Variants in PCDH15 observed in about 807,000 individuals in gnomAD.
The protein encoded by PCDH15 is protocadherin related 15, also known as protocadherin-15.
Under a neutral mutation model 178.5 loss-of-function variants are expected in PCDH15, and 129 were observed. The ratio of observed to expected loss-of-function variants is 0.72; its 90% CI spans 0.63 to 0.84. PCDH15 has a LOEUF of 0.84. PCDH15 is among the 40% of genes least tolerant of loss of function. PCDH15 has a pLI of 0.00. For missense variants in PCDH15, 2,230 were observed against 2,099.9 expected, an observed-to-expected ratio of 1.06 and a Z score of -1.21; for synonymous variants, 800 against 732.0, an observed-to-expected ratio of 1.09 and a Z score of -1.50.
chr10:55,269,095 T>C (rs901203275), intron 1 of PCDH15, among the ~76,000 whole-genome samples: 13 of 152,086 alleles, frequency 8.5e-5, no homozygotes, highest in Non-Finnish European at 8.8e-5. Context: ...CTCTTCATGA[T>C]AACCACAATC....
chr10:55,130,720 T>C (rs1026866820), intron 2 of PCDH15, among the ~76,000 whole-genome samples: 2 of 150,092 alleles, frequency 1.3e-5, no homozygotes, highest in Non-Finnish European at 3.0e-5. Context: ...TGTGTGTGTG[T>C]GTGTGTATAT....
intron 2 of PCDH15, among the ~76,000 whole-genome samples, chr10:55,332,387 C>T (rs1436302510): frequency 6.6e-6 from 1 of 151,832 alleles, no homozygotes; most frequent in African/African-American, 2.4e-5. Context: ...GGAAGAGGTC[C>T]CCCATTGGCA....
chr10:54,596,911 C>A (rs1302434198), intron 2 of PCDH15, among the ~76,000 whole-genome samples: 2 of 152,058 alleles, frequency 1.3e-5, no homozygotes, highest in Non-Finnish European at 2.9e-5. Flanking sequence ...CCTATATATA[C>A]ATGCACCTAA....
intron 3 of PCDH15, among the ~76,000 whole-genome samples, chr10:54,498,236 C>A (rs1010767688): frequency 6.6e-6 from 1 of 152,016 alleles, no homozygotes; most frequent in Non-Finnish European, 1.5e-5. Context: ...TGAATAAAAT[C>A]TTTTTCAAAT....
At chr10:54,392,328 T>G (rs1464258459) in intron 3 of PCDH15, among the ~76,000 whole-genome samples, 1 of 150,852 alleles carries the variant, frequency 6.6e-6, no homozygotes, top group African/African-American at 2.4e-5. Flanking sequence ...TTGGTAGGCA[T>G]GGTGGTGGGC....
At chr10:53,850,001 T>C (rs2132915386) in intron 28 of PCDH15, among the ~76,000 whole-genome samples, 1 of 152,144 alleles carries the variant, frequency 6.6e-6, no homozygotes. Flanking sequence ...ATTGTGACTT[T>C]GAGCCATGTG....
chr10:54,321,171 T>C (rs1312814771), intron 7 of PCDH15, among the ~76,000 whole-genome samples: 1 of 143,962 alleles, frequency 6.9e-6, no homozygotes, highest in Non-Finnish European at 1.5e-5. Context: ...TTGAAAATTT[T>C]TTTATTTATA....
intron 13 of PCDH15, among the ~76,000 whole-genome samples, chr10:54,161,060 ATGTG>A (rs2045661415): frequency 6.6e-6 from 1 of 152,176 alleles, no homozygotes; most frequent in African/African-American, 2.4e-5. Flanking sequence ...GTGTATATAT[ATGTG>A]TGTGTATATA....
intron 26 of PCDH15, among the ~76,000 whole-genome samples, chr10:53,888,282 C>CTATATATATATATATACA: frequency 1.0e-5 from 1 of 95,400 alleles, no homozygotes. Flanking sequence ...CATTCCAACA[C>CTATATATATATATATACA]TATATATACA....
At chr10:55,441,238 C>T in intron 2 of PCDH15, among the ~76,000 whole-genome samples, 1 of 152,164 alleles carries the variant, frequency 6.6e-6, no homozygotes, top group Middle Eastern at 3.2e-3. Context: ...TCAGAACTTG[C>T]CTATTAACTT....
intron 3 of PCDH15, among the ~76,000 whole-genome samples, chr10:54,385,074 A>G (rs78488625): frequency 0.019 from 2,954 of 152,218 alleles, 102 homozygotes; most frequent in African/African-American, 0.067. Flanking sequence ...CCAGGCAGAG[A>G]GAAAGGTCAC....
At chr10:53,858,253 A>T (rs1030278471) in intron 27 of PCDH15, among the ~76,000 whole-genome samples, 1 of 152,156 alleles carries the variant, frequency 6.6e-6, no homozygotes, top group African/African-American at 2.4e-5. Context: ...TACAATCTAC[A>T]GTAGGGAGTA....
chr10:54,469,917 T>C (rs1017293130), intron 3 of PCDH15, among the ~76,000 whole-genome samples: 3 of 152,076 alleles, frequency 2.0e-5, no homozygotes, highest in African/African-American at 7.2e-5. Flanking sequence ...GGTGGTAGCA[T>C]AGGTTGAGTG....
chr10:54,768,761 A>G (rs772695439), intron 1 of PCDH15, among the ~76,000 whole-genome samples: 10 of 152,150 alleles, frequency 6.6e-5, no homozygotes, highest in Non-Finnish European at 1.5e-4. Flanking sequence ...CAAGTGCCTT[A>G]CATGGTGTAT....
intron 21 of PCDH15, among the ~76,000 whole-genome samples, chr10:53,993,741 A>C (rs1034075256): frequency 1.3e-5 from 2 of 152,150 alleles, no homozygotes; most frequent in African/African-American, 2.4e-5. Flanking sequence ...GGTGCAACCA[A>C]ATTGCAACTA....
At chr10:54,247,881 A>ATATAT (rs1554857290) in intron 8 of PCDH15, among the ~76,000 whole-genome samples, 1 of 148,494 alleles carries the variant, frequency 6.7e-6, no homozygotes, top group African/African-American at 2.5e-5. Flanking sequence ...AAAAAAAAGA[A>ATATAT]ATATGTATAT....
At chr10:54,120,656 G>A (rs771300945) in intron 15 of PCDH15, among the ~76,000 whole-genome samples, 1 of 151,960 alleles carries the variant, frequency 6.6e-6, no homozygotes, top group Non-Finnish European at 1.5e-5. Context: ...ATAAAACAGA[G>A]ATTAAACTAA....
chr10:54,486,096 A>G (rs1033099436), intron 3 of PCDH15: 1 of 152,064 alleles, frequency 6.6e-6, no homozygotes, highest in Non-Finnish European at 1.5e-5. Flanking sequence ...GAATCTAAGC[A>G]ATAAAGACTG....
chr10:54,968,181 C>A (rs1291121909), intron 2 of PCDH15, among the ~76,000 whole-genome samples: 4 of 152,144 alleles, frequency 2.6e-5, no homozygotes, highest in Admixed American at 2.0e-4. Context: ...CATTAAACTG[C>A]TAATCTGTAT....
Sources: allele counts gnomAD v4.1 joint callset (sites outside exome capture counted in the v4.1 genomes callset), GRCh38; gene constraint gnomAD v4.1.1; transcripts MANE v1.5; gene names NCBI Gene and HGNC (gene_info 2026-07-23, HGNC 2026-07-21).